RGL3: variants seen among roughly 807,000 people sequenced by gnomAD.
RGL3 encodes the protein ral guanine nucleotide dissociation stimulator-like 3.
A neutral mutation model predicts 90.6 loss-of-function variants in RGL3; 85 were observed. The observed-to-expected ratio is 0.94, with a 90% CI of 0.79 to 1.12. RGL3 has a LOEUF of 1.12. Among genes scored for constraint, RGL3 ranks in the 50% most tolerant of loss-of-function variants. The probability of loss-of-function intolerance (pLI) is 0.00; values close to 1 mark genes in which losing one functional copy is unlikely to be tolerated. For synonymous variants in RGL3, 408 were observed against 385.5 expected (o/e 1.06, Z -0.68); for missense variants, 1,034 against 939.2 (o/e 1.10, Z -1.32).
Position 11,416,113 on chromosome 19 carries a change from T to C in RGL3, c.461A>G (p.Asp154Gly). 6.3e-7 allele frequency: 1 copy of C among 1,595,768 alleles called. No individual in the cohort carries two copies. Among genetic ancestry groups the C allele is most frequent in the Non-Finnish European group, 8.5e-7 (1 of 1,171,934 alleles). The change falls in exon 5 of 19, where the codon GAC (aspartate) becomes GGC (glycine). Residue 154 changes from aspartate (D) to glycine (G), a missense_variant. Physicochemically the swap from Asp to Gly is moderately conservative, Grantham distance 94. Transcript: ENST00000380456. ...GTGGTCTCGGAAATCCTGAGGGTGG[T>C]CCTGCAGCCAGGAGCCCAGCACTGA... ...VVSVLGSWLQDHPQDFRDHPA... is the reference protein window; with the variant it reads ...VVSVLGSWLQGHPQDFRDHPA...
Position 11,397,247 on chromosome 19 carries a change from G to T in RGL3, c.2011C>A (p.Arg671=). Residue 671 remains arginine (R), a synonymous_variant, in exon 18 of 19, where the codon CGG becomes AGG. Transcript: ENST00000380456. ...YQLFQVLPGD[R]VLLIPDNANV... ...GCTCCAACCCATCCCTGCTCACCCCGGTCCCCAGGAAGGACTTGAAAGAGC... is the reference window on the plus strand; with the variant it reads ...GCTCCAACCCATCCCTGCTCACCCCTGTCCCCAGGAAGGACTTGAAAGAGC... The T allele has an allele frequency of 6.2e-7, 1 of 1,613,408 alleles. No individual in the cohort carries two copies. Among genetic ancestry groups the T allele is most frequent in the South Asian group, 1.1e-5 (1 of 91,028 alleles).
intron 9 of RGL3, among the ~76,000 whole-genome samples, chr19:11,403,807 C>T (rs535665343): frequency 6.6e-6 from 1 of 152,228 alleles, no homozygotes; most frequent in African/African-American, 2.4e-5. Context: ...GGAGAGAATC[C>T]TTGTCCGCAG....
At chr19:11,416,237 G>A in intron 4 of RGL3, 89 bp from the exon 5 acceptor site, 1 of 668,500 alleles carries the variant, frequency 1.5e-6, no homozygotes. Flanking sequence ...TTTTTTTTTT[G>A]AGATAGAGTC....
At chr19:11,416,215 C>CA in intron 4 of RGL3, 67 bp from the exon 5 acceptor site, 4 of 855,190 alleles carry the variant, frequency 4.7e-6, no homozygotes, top group South Asian at 4.1e-5. Context: ...ACTCCTGGTA[C>CA]CTTTTTTTTT....
At chr19:11,405,455 C>T (rs1483935497) in intron 7 of RGL3, 29 bp from the exon 8 acceptor site, 3 of 1,357,692 alleles carry the variant, frequency 2.2e-6, no homozygotes, top group African/African-American at 3.0e-5. Flanking sequence ...GCAGGTCAGA[C>T]CCAGGCATTA....
At chr19:11,397,395 G>A (rs377166337) in intron 17 of RGL3, 37 bp from the exon 18 acceptor site, 25 of 1,586,768 alleles carry the variant, frequency 1.6e-5, no homozygotes, top group African/African-American at 4.0e-5. Flanking sequence ...TGAGGGCCCC[G>A]GCCCCAAGGG....
chr19:11,416,383 G>A (rs995321710), intron 4 of RGL3: 4 of 617,648 alleles, frequency 6.5e-6, no homozygotes, highest in Admixed American at 2.9e-5. Context: ...ATTTTTAGTA[G>A]AGACAGGGTT....
intron 18 of RGL3, among the ~76,000 whole-genome samples, chr19:11,396,100 ATCTCTCTCTCTCTCTCTCTCTC>A: frequency 2.9e-5 from 1 of 33,932 alleles, no homozygotes; most frequent in East Asian, 1.2e-3. Context: ...TGCTCAGCTA[ATCTCTCTCTCTCTCTCTCTCTC>A]TCTCTCTCTC....
chr19:11,418,619 C>A, intron 2 of RGL3, 52 bp downstream of exon 2: 1 of 1,410,780 alleles, frequency 7.1e-7, no homozygotes, highest in Non-Finnish European at 9.6e-7. Flanking sequence ...TCCAGCTCCG[C>A]CCTCAACTGG....
At chr19:11,402,793 C>G in intron 9 of RGL3, 87 bp from the exon 10 acceptor site, 1 of 1,158,560 alleles carries the variant, frequency 8.6e-7, no homozygotes, top group Non-Finnish European at 1.3e-6. Context: ...CATATATACC[C>G]TTCATGCTTT....
Position 11,402,083 on chromosome 19 carries a change from C to A in RGL3, c.1412G>T (p.Ser471Ile). 1 of 1,592,452 alleles carries A rather than the reference C, an allele frequency of 6.3e-7. No homozygotes were observed. Among genetic ancestry groups the A allele is most frequent in the South Asian group, 1.2e-5 (1 of 86,280 alleles). Residue 471 changes from serine to isoleucine, a missense_variant, in exon 13 of 19, where the codon AGC becomes ATC. Ser to Ile is a moderately radical substitution (Grantham distance 142). Coordinates refer to ENST00000380456, the MANE Select transcript of RGL3 (RefSeq NM_001035223.4). ...RIQQLQRRCQSYTLSPHPPIL... is the reference protein window; with the variant it reads ...RIQQLQRRCQIYTLSPHPPIL... ...GGGCGGGTGGGGGCTCAGGGTGTAG[C>A]TCTGACAGCGCCTCTGCAGCTGCTG...
At position 11,405,353 on chromosome 19, in the gene RGL3, C is replaced by A; in HGVS notation, c.1070G>T (p.Arg357Leu). Residue 357 changes from arginine (R) to leucine (L), a missense_variant, in exon 8 of 19, where the codon CGG becomes CTG. Physicochemically the swap from Arg to Leu is moderately radical, Grantham distance 102. Coordinates refer to ENST00000380456, the MANE Select transcript of RGL3 (RefSeq NM_001035223.4). ...CACTGCCCCCCAGCTGCGCTTGAGC[C>A]GGTAGATGGGGTTAGATTGCAGGGC... ...LSALQSNPIY[R>L]LKRSWGAVSR... 10 of 1,612,828 alleles carry A rather than the reference C, an allele frequency of 6.2e-6. No individual in the cohort carries two copies. The highest frequency in any genetic ancestry group is 8.5e-6 in the Non-Finnish European group (10 of 1,179,614).
chr19:11,394,322 C>A lies in RGL3; in HGVS notation c.*80G>T. 2 of 1,080,534 alleles carry A rather than the reference C, an allele frequency of 1.9e-6. No homozygotes were observed. Among genetic ancestry groups the A allele is most frequent in the Non-Finnish European group, 2.9e-6 (2 of 695,868 alleles). The allele number at this position is 1,080,534 out of a possible 1,614,324, so 66.9% of individuals were successfully genotyped here. On this transcript the variant is annotated 3_prime_UTR_variant, in exon 19 of 19. Coordinates refer to ENST00000380456, the MANE Select transcript of RGL3 (RefSeq NM_001035223.4). The stretch of plus-strand genomic sequence containing the variant: ...GGGATACACAGCACAGTGGCCTCTA[C>A]TGGGGGATGGCAGCTTTCCAGGAGA...
At chr19:11,418,957 TC>T in intron 1 of RGL3, 173 bp from the exon 2 acceptor site, 4 of 623,238 alleles carry the variant, frequency 6.4e-6, no homozygotes, top group Non-Finnish European at 1.1e-5. Context: ...TCGCTGCGGG[TC>T]CCCTCCTCCC....
intron 13 of RGL3, among the ~76,000 whole-genome samples, chr19:11,401,290 G>C (rs1284887798): frequency 6.7e-6 from 1 of 149,912 alleles, no homozygotes; most frequent in Middle Eastern, 3.4e-3. Flanking sequence ...CTGCAGTGGC[G>C]TGATTTTGGC....
chr19:11,394,684 C>T (rs1287941971), intron 18 of RGL3, 164 bp from the exon 19 acceptor site: 5 of 600,984 alleles, frequency 8.3e-6, no homozygotes, highest in South Asian at 5.8e-5. Flanking sequence ...GGAACCTGGA[C>T]GACTTCTCAC....
At chr19:11,418,493 C>T in intron 2 of RGL3, 178 bp downstream of exon 2, 1 of 585,296 alleles carries the variant, frequency 1.7e-6, no homozygotes, top group South Asian at 2.0e-5. Flanking sequence ...TTCCCTGGAT[C>T]TCCCCCCACT....
Position 11,406,775 on chromosome 19 carries a change from G to T in RGL3, c.727C>A (p.Leu243Ile), listed in dbSNP as rs750207379. 1 of 1,614,104 alleles carries T rather than the reference G, an allele frequency of 6.2e-7. No individual in the cohort carries two copies. The highest frequency in any genetic ancestry group is 2.2e-5 in the East Asian group (1 of 44,878). The change falls in exon 6 of 19, where the codon CTC becomes ATC. Residue 243 changes from leucine to isoleucine, a missense_variant. By Grantham distance (5) the Leu-to-Ile change is conservative. Transcript: ENST00000380456. ...EEGLMPQGPQLLDFSVDEVAE... is the reference protein window; with the variant it reads ...EEGLMPQGPQILDFSVDEVAE... ...ACCTCGTCCACGCTGAAGTCCAGGA[G>T]CTGGGGACCTTGAGGCATGAGCCCT...
At chr19:11,395,930 T>G (rs866391117) in intron 18 of RGL3, among the ~76,000 whole-genome samples, 1 of 134,342 alleles carries the variant, frequency 7.4e-6, no homozygotes, top group East Asian at 2.2e-4. Flanking sequence ...CCCGGCCCCC[T>G]TTTTTTTTTT....
Sources: gnomAD v4.1 joint callset for allele counts (sites outside exome capture counted in the v4.1 genomes callset) on GRCh38, gnomAD v4.1.1 for gene constraint, MANE v1.5 for transcripts, NCBI Gene and HGNC (gene_info 2026-07-23, HGNC 2026-07-21) for gene names.